The following DRD4 variants were observed in gnomAD, a reference collection of about 807,000 sequenced individuals.
DRD4 encodes the protein D(4) dopamine receptor.
DRD4 carries 26 observed loss-of-function variants against 22.1 expected under a neutral mutation model. The ratio of observed to expected loss-of-function variants is 1.17; its 90% CI spans 0.86 to 1.63. DRD4 has a LOEUF of 1.63. DRD4 is among the 40% of genes most tolerant of loss of function. The pLI is 0.00. For missense variants in DRD4, 913 were observed against 632.4 expected (o/e 1.44, Z -4.76); for synonymous variants, 455 against 306.7 (o/e 1.48, Z -5.05).
rs777913224 is a variant in DRD4, at chr11:640,523, G to A, written c.1180G>A (p.Ala394Thr). ...AVTWLGYVNS[A>T]LNPVIYTVFN... ...CACCTGGCTGGGCTACGTCAACAGC[G>A]CCCTCAACCCCGTCATCTACACTGT... is the stretch of plus-strand genomic sequence containing the variant. Residue 394 changes from alanine to threonine, a missense_variant, in exon 4 of 4, where the codon GCC becomes ACC. Coordinates refer to ENST00000176183, the MANE Select transcript of DRD4 (RefSeq NM_000797.4). 9.4e-6 allele frequency: 15 copies of A among 1,599,642 alleles called. No homozygotes were observed. The highest frequency in any genetic ancestry group is 2.7e-5 in the African/African-American group (2 of 74,522).
In DRD4 at chr11:640,433, G is replaced by A. The variant is rs757816571; in HGVS notation, c.1090G>A (p.Val364Met). Reference sequence around the variant, plus strand: ...CCTGCTGTGCTGGACGCCCTTCTTCGTGGTGCACATCACGCAGGCGCTGTG... The same window carrying A: ...CCTGCTGTGCTGGACGCCCTTCTTCATGGTGCACATCACGCAGGCGCTGTG... ...AFLLCWTPFFVVHITQALCPA... is the reference protein window; with the variant it reads ...AFLLCWTPFFMVHITQALCPA... Residue 364 changes from valine (V) to methionine (M), a missense_variant, in exon 4 of 4, where the codon GTG (valine) becomes ATG (methionine). Transcript: ENST00000176183. 43 of 1,600,972 alleles carry A rather than the reference G, an allele frequency of 2.7e-5. No individual in the cohort carries two copies. The highest frequency in any genetic ancestry group is 3.3e-5 in the Non-Finnish European group (39 of 1,179,742).
Position 639,982 on chromosome 11 carries a change from T to A in DRD4, c.733T>A (p.Ser245Thr), listed in dbSNP as rs1251336042. Residue 245 changes from serine to threonine, a missense_variant, in exon 3 of 4, where the codon TCC (serine) becomes ACC (threonine). Transcript: ENST00000176183. ...CCGACCCAGCGGCCCTGGCCCGCCT[T>A]CCCCCACGCCACCCGCGCCCCGCCT... Reference protein sequence around the residue: ...PRRPSGPGPPSPTPPAPRLPQ... With the variant: ...PRRPSGPGPPTPTPPAPRLPQ... The A allele has an allele frequency of 1.5e-6, 2 of 1,329,688 alleles. No individual in the cohort carries two copies. The highest frequency in any genetic ancestry group is 1.9e-6 in the Non-Finnish European group (2 of 1,051,040). The allele number at this position is 1,329,688 out of a possible 1,614,324, so 82.4% of individuals were successfully genotyped here. A position where few individuals can be genotyped will look rare whatever the true frequency, so the allele number is the denominator to read the frequency against.
rs1404956473 is a variant in DRD4, at chr11:640,410, T to G, written c.1067T>G (p.Leu356Arg). 3.8e-6 allele frequency: 6 copies of G among 1,599,708 alleles called. No individual in the cohort carries two copies. The South Asian group carries it at 5.5e-5, about 15-fold the overall frequency. Residue 356 changes from leucine to arginine, a missense_variant, in exon 4 of 4, where the codon CTG becomes CGG. Physicochemically the swap from Leu to Arg is moderately radical, Grantham distance 102. Coordinates refer to ENST00000176183, the MANE Select transcript of DRD4 (RefSeq NM_000797.4). ...CTCTCGGCGCCCCCAGGGGCCTTCC[T>G]GCTGTGCTGGACGCCCTTCTTCGTG... ...RVLPVVVGAF[L>R]LCWTPFFVVH...
In DRD4 at chr11:639,327, G is replaced by C. The variant is rs1404239494; in HGVS notation, c.286-106G>C. On this transcript the variant is annotated intron_variant, in intron 1 of 3. Transcript: ENST00000176183. ...CCTCTGGCCTCTGGCTCACAGCCGG[G>C]CCCCCTTCTCCGTATTCAGCCCTGG... 8.4e-6 allele frequency: 9 copies of C among 1,068,992 alleles called. No homozygotes were observed. In the East Asian group the frequency reaches 2.4e-4, roughly 29 times the overall value. The allele number at this position is 1,068,992 out of a possible 1,614,324, so 66.2% of individuals were successfully genotyped here.
Position 637,470 on chromosome 11 carries a change from T to C in DRD4, c.166T>C (p.Cys56Arg). The change falls in exon 1 of 4, where the codon TGC (cysteine) becomes CGC (arginine). Residue 56 changes from cysteine (C) to arginine (R), a missense_variant. Cys to Arg is a radical substitution (Grantham distance 180, BLOSUM62 -3). Coordinates refer to ENST00000176183, the MANE Select transcript of DRD4 (RefSeq NM_000797.4). ...GAVLAGNSLV[C>R]VSVATERALQ... The stretch of plus-strand genomic sequence containing the variant: ...GGTGCTCGCGGGGAACTCGCTCGTG[T>C]GCGTGAGCGTGGCCACCGAGCGCGC... 1 of 1,538,444 alleles carries C rather than the reference T, an allele frequency of 6.5e-7. No homozygotes were observed. Among genetic ancestry groups the C allele is most frequent in the Non-Finnish European group, 8.7e-7 (1 of 1,147,870 alleles).
At position 639,829 on chromosome 11, in the gene DRD4, G is replaced by T. The variant is rs1435933756; in HGVS notation, c.580G>T (p.Val194Phe). 1.1e-5 allele frequency: 18 copies of T among 1,584,688 alleles called. No homozygotes were observed. Among genetic ancestry groups the T allele is most frequent in the Non-Finnish European group, 1.5e-5 (18 of 1,173,236 alleles). The change falls in exon 3 of 4, where the codon GTC (valine) becomes TTC (phenylalanine). Residue 194 changes from valine (V) to phenylalanine (F), a missense_variant. Val to Phe is a conservative substitution (Grantham distance 50). Transcript: ENST00000176183. ...VCRLEDRDYV[V>F]YSSVCSFFLP... ...CCGCCTGGAGGACCGCGACTACGTG[G>T]TCTACTCGTCCGTGTGCTCCTTCTT...
Position 639,898 on chromosome 11 carries a change from C to A in DRD4, c.649C>A (p.Arg217Ser). 6.4e-7 allele frequency: 1 copy of A among 1,567,078 alleles called. No homozygotes were observed. Among genetic ancestry groups the A allele is most frequent in the Non-Finnish European group, 8.6e-7 (1 of 1,163,458 alleles). ...LMLLLYWATF[R>S]GLQRWEVARR... Reference sequence around the variant, plus strand: ...GCTGCTGCTCTACTGGGCCACGTTCCGCGGCCTGCAGCGCTGGGAGGTGGC... The same window carrying A: ...GCTGCTGCTCTACTGGGCCACGTTCAGCGGCCTGCAGCGCTGGGAGGTGGC... The change falls in exon 3 of 4, where the codon CGC becomes AGC. Residue 217 changes from arginine (R) to serine (S), a missense_variant. Physicochemically the swap from Arg to Ser is moderately radical, Grantham distance 110. Coordinates refer to ENST00000176183, the MANE Select transcript of DRD4 (RefSeq NM_000797.4).
chr11:640,134 G>GC lies in DRD4; in HGVS notation c.891dup (p.Ala298ArgfsTer152), dbSNP rs772627095. 2.3e-5 allele frequency: 33 copies of GC among 1,436,172 alleles called. No individual in the cohort carries two copies. The highest frequency in any genetic ancestry group is 5.4e-5 in the East Asian group (2 of 37,318). The allele number at this position is 1,436,172 out of a possible 1,614,324, so 89.0% of individuals were successfully genotyped here. A position where few individuals can be genotyped will look rare whatever the true frequency, so the allele number is the denominator to read the frequency against. On this transcript the variant is annotated frameshift_variant, in exon 3 of 4. Coordinates refer to ENST00000176183, the MANE Select transcript of DRD4 (RefSeq NM_000797.4). LOFTEE classifies it high-confidence loss of function. The stretch of plus-strand genomic sequence containing the variant: ...AGGACCCCTGCGGCCCCGACTGTGC[G>GC]CCCCCCGCGCCCGGCCTCCCCCCGG...
rs539616642 is a variant in DRD4, at chr11:637,436, C to T, written c.132C>T (p.Leu44=). The change falls in exon 1 of 4, where the codon CTC becomes CTT. Residue 44 remains leucine, a synonymous_variant. Transcript: ENST00000176183. ...GAAALVGGVL[L]IGAVLAGNSL... is the part of the protein sequence containing the mutation. ...CGGCGCTGGTGGGGGGCGTGCTGCT[C>T]ATCGGCGCGGTGCTCGCGGGGAACT... The T allele has an allele frequency of 2.1e-5, 32 of 1,532,018 alleles. No individual in the cohort carries two copies. In the East Asian group the frequency reaches 6.4e-4, roughly 31 times the overall value. 94.9% of individuals were successfully genotyped at this position (1,532,018 alleles called of 1,614,324 possible).
In DRD4 at chr11:639,573, G is replaced by GGCGCCCCC. The variant is rs753944815; in HGVS notation, c.398+36_398+43dup. On this transcript the variant is annotated intron_variant, in intron 2 of 3. Transcript: ENST00000176183. ...GCGCCGCCCTCCCCGCCCGCGCCCC[G>GGCGCCCCC]GCGCCCCCGCGCCCCGCCCGCCGCC... 1,518 of 1,392,764 alleles carry GGCGCCCCC rather than the reference G, an allele frequency of 1.1e-3. 7 individuals are homozygous for GGCGCCCCC. In the African/African-American group the frequency reaches 0.017, roughly 16 times the overall value. The allele number at this position is 1,392,764 out of a possible 1,614,324, so 86.3% of individuals were successfully genotyped here.
chr11:640,346 G>GC (rs1335052571), intron 3 of DRD4, 40 bp downstream of exon 3: 2 of 1,552,582 alleles, frequency 1.3e-6, no homozygotes, highest in South Asian at 1.2e-5. Flanking sequence ...AGAGGAGGGG[G>GC]GGGGTACGAG....
rs146680769 is a variant in DRD4, at chr11:637,294, C to T, written c.-11C>T. 61,832 of 1,196,094 alleles carry T rather than the reference C, an allele frequency of 0.052. 1,757 individuals are homozygous for T. The highest frequency in any genetic ancestry group is 0.079 in the South Asian group (2,163 of 27,474). 74.1% of individuals were successfully genotyped at this position (1,196,094 alleles called of 1,614,324 possible). A position where few individuals can be genotyped will look rare whatever the true frequency, so the allele number is the denominator to read the frequency against. ...GTTGTCCGCGGTGCTCAGCGCCCGC[C>T]CGGGCGCGCCATGGGGAACCGCAGC... On this transcript the variant is annotated 5_prime_UTR_variant, in exon 1 of 4. Coordinates refer to ENST00000176183, the MANE Select transcript of DRD4 (RefSeq NM_000797.4).
At position 638,045 on chromosome 11, in the gene DRD4, C is replaced by T. The variant is rs913093282; in HGVS notation, c.285+456C>T. Among the ~76,000 whole-genome samples, 4 of 152,200 alleles carry T rather than the reference C, an allele frequency of 2.6e-5. No homozygotes were observed. In the East Asian group the frequency reaches 7.7e-4, roughly 29 times the overall value. On this transcript the variant is annotated intron_variant, in intron 1 of 3. Transcript: ENST00000176183. ...CCACCACACACACCTAGTGCAGATG[C>T]TGGCACACCCCCAGAAGGAGGCTCA...
Position 639,892 on chromosome 11 carries a change from A to G in DRD4, c.643A>G (p.Thr215Ala). Residue 215 changes from threonine (T) to alanine (A), a missense_variant, in exon 3 of 4, where the codon ACG becomes GCG. Coordinates refer to ENST00000176183, the MANE Select transcript of DRD4 (RefSeq NM_000797.4). ...CPLMLLLYWA[T>A]FRGLQRWEVA... ...GCTCATGCTGCTGCTCTACTGGGCC[A>G]CGTTCCGCGGCCTGCAGCGCTGGGA... The G allele has an allele frequency of 8.2e-6, 13 of 1,576,158 alleles. No individual in the cohort carries two copies. Among genetic ancestry groups the G allele is most frequent in the South Asian group, 3.4e-5 (3 of 89,002 alleles).
chr11:638,381 C>A (rs987662434), intron 1 of DRD4, among the ~76,000 whole-genome samples: 2 of 152,146 alleles, frequency 1.3e-5, no homozygotes, highest in African/African-American at 4.8e-5. Flanking sequence ...ACGGGACACG[C>A]GTGACCTGTG....
At position 638,239 on chromosome 11, in the gene DRD4, C is replaced by T. The variant is rs530620310; in HGVS notation, c.285+650C>T. Among the ~76,000 whole-genome samples, 25 of 152,296 alleles carry T rather than the reference C, an allele frequency of 1.6e-4. 1 individual carries two copies. Among genetic ancestry groups the T allele is most frequent in the African/African-American group, 5.8e-4 (24 of 41,568 alleles). ...GAGTGGGTCGGCCTTGGTGCCAGCCCCTCTGCGGCCAGAGAAAAGCAGCTT... is the reference window on the plus strand; with the variant it reads ...GAGTGGGTCGGCCTTGGTGCCAGCCTCTCTGCGGCCAGAGAAAAGCAGCTT... On this transcript the variant is annotated intron_variant, in intron 1 of 3. Coordinates refer to ENST00000176183, the MANE Select transcript of DRD4 (RefSeq NM_000797.4).
intron 1 of DRD4, 68 bp downstream of exon 1, chr11:637,657 G>GGACCCGGCGC: frequency 2.9e-5 from 45 of 1,533,378 alleles, no homozygotes; most frequent in Admixed American, 3.9e-5. Context: ...TCCCTACGGA[G>GGACCCGGCGC]GACCCGGCGC....
At position 640,614 on chromosome 11, in the gene DRD4, C is replaced by G. The variant is rs750314769; in HGVS notation, c.*11C>G. Reference sequence around the variant, plus strand: ...CGTGCCTGCTGCTGAGCCGGGCACCCCCGGACGCCCCCCGGCCTGATGGCC... The same window carrying G: ...CGTGCCTGCTGCTGAGCCGGGCACCGCCGGACGCCCCCCGGCCTGATGGCC... On this transcript the variant is annotated 3_prime_UTR_variant, in exon 4 of 4. Transcript: ENST00000176183. The G allele has an allele frequency of 2.5e-6, 4 of 1,598,766 alleles. No individual in the cohort carries two copies. Among genetic ancestry groups the G allele is most frequent in the Non-Finnish European group, 3.4e-6 (4 of 1,179,726 alleles).
Position 640,668 on chromosome 11 carries a change from G to T in DRD4, c.*65G>T. 6.4e-7 allele frequency: 1 copy of T among 1,572,354 alleles called. No homozygotes were observed. Among genetic ancestry groups the T allele is most frequent in the Non-Finnish European group, 8.6e-7 (1 of 1,157,804 alleles). On this transcript the variant is annotated 3_prime_UTR_variant, in exon 4 of 4. Coordinates refer to ENST00000176183, the MANE Select transcript of DRD4 (RefSeq NM_000797.4). ...CCTCAGGGACCAAGGAGATGGGGAG[G>T]GCGCTTTTGTACGTTAATTAAACAA...
Sources: allele counts gnomAD v4.1 joint callset (sites outside exome capture counted in the v4.1 genomes callset), GRCh38; gene constraint gnomAD v4.1.1; transcripts MANE v1.5; gene names NCBI Gene and HGNC (gene_info 2026-07-23, HGNC 2026-07-21).